The following SPECC1 variants were observed in gnomAD, a reference collection of about 807,000 sequenced individuals.
The protein encoded by SPECC1 is sperm antigen with calponin homology and coiled-coil domains 1.
SPECC1 carries 62 observed loss-of-function variants against 104.1 expected under a neutral mutation model. The observed-to-expected ratio is 0.60, with a 90% confidence interval of 0.49 to 0.74. The LOEUF (loss-of-function observed/expected upper bound fraction) is 0.74, where lower values mean the gene tolerates loss of function less well. SPECC1 is among the 30% of genes least tolerant of loss of function. SPECC1 has a pLI of 0.00. For missense variants in SPECC1, 1,306 were observed against 1,310.5 expected (o/e 1.00, Z 0.05); for synonymous variants, 513 against 501.6 (o/e 1.02, Z -0.30).
At chr17:20,080,881 G>T (rs980459863) in intron 1 of SPECC1, among the ~76,000 whole-genome samples, 4 of 151,996 alleles carry the variant, frequency 2.6e-5, no homozygotes, top group Non-Finnish European at 4.4e-5. Flanking sequence ...ATCAGTGCAG[G>T]GGGGGGTGGT....
chr17:20,308,276 C>G (rs2041830578), intron 14 of SPECC1, among the ~76,000 whole-genome samples: 1 of 150,454 alleles, frequency 6.6e-6, no homozygotes, highest in Non-Finnish European at 1.5e-5. Flanking sequence ...GTAATCCCAG[C>G]TACTCGGGAG....
At chr17:20,035,949 G>T (rs1020181363) in intron 1 of SPECC1, among the ~76,000 whole-genome samples, 2 of 151,040 alleles carry the variant, frequency 1.3e-5, no homozygotes, top group African/African-American at 4.9e-5. Context: ...TCAGCCTCCT[G>T]AGTAGCTGAG....
At chr17:20,113,605 T>C (rs1352028667) in intron 3 of SPECC1, among the ~76,000 whole-genome samples, 3 of 152,214 alleles carry the variant, frequency 2.0e-5, no homozygotes, top group Non-Finnish European at 4.4e-5. Flanking sequence ...TACAGTAATA[T>C]CCAGTTCTTA....
At position 20,232,311 on chromosome 17, in the gene SPECC1, C is replaced by T. The variant is rs1284767614; in HGVS notation, c.2257C>T (p.Leu753=). 1 of 1,614,140 alleles carries T rather than the reference C, an allele frequency of 6.2e-7. No homozygotes were observed. Among genetic ancestry groups the T allele is most frequent in the African/African-American group, 1.3e-5 (1 of 75,056 alleles). The change falls in exon 7 of 15, where the codon CTG becomes TTG. Residue 753 remains leucine (L), a synonymous_variant. Coordinates refer to ENST00000395527, the MANE Select transcript of SPECC1 (RefSeq NM_001243439.2). The stretch of plus-strand genomic sequence containing the variant: ...GGAGCTGCGCACCGTGAAGAGGAAA[C>T]TGCTGGAGGAGGAGGAGAAGAATGC... ...QQELRTVKRK[L]LEEEEKNARL... is the part of the protein sequence containing the mutation.
chr17:20,299,420 C>T (rs1021495717), intron 13 of SPECC1, among the ~76,000 whole-genome samples: 1 of 151,374 alleles, frequency 6.6e-6, no homozygotes, highest in Non-Finnish European at 1.5e-5. Context: ...ATTAGCTGAG[C>T]TTGGTGGCGC....
intron 3 of SPECC1, among the ~76,000 whole-genome samples, chr17:20,182,527 T>C (rs907652265): frequency 9.9e-5 from 15 of 152,196 alleles, no homozygotes; most frequent in African/African-American, 3.4e-4. Flanking sequence ...TATGATCTCA[T>C]AGTTACAAGT....
chr17:20,286,167 G>C (rs781474045), intron 12 of SPECC1, among the ~76,000 whole-genome samples: 1 of 152,132 alleles, frequency 6.6e-6, no homozygotes, highest in Non-Finnish European at 1.5e-5. Context: ...AGGTGACCCA[G>C]GTCTAGAAAG....
At chr17:20,050,291 A>G (rs959178554) in intron 1 of SPECC1, among the ~76,000 whole-genome samples, 2 of 152,028 alleles carry the variant, frequency 1.3e-5, no homozygotes, top group East Asian at 1.9e-4. Context: ...AGGGTGCCCA[A>G]CTGTGTTTTT....
chr17:20,240,601 G>A (rs1316978704), intron 7 of SPECC1, among the ~76,000 whole-genome samples: 3 of 151,960 alleles, frequency 2.0e-5, no homozygotes, highest in East Asian at 1.9e-4. Context: ...GTGAGGTGTG[G>A]TTCTTTTTCT....
chr17:20,077,914 T>G (rs757497186), intron 1 of SPECC1, among the ~76,000 whole-genome samples: 1 of 151,966 alleles, frequency 6.6e-6, no homozygotes, highest in Non-Finnish European at 1.5e-5. Context: ...AAAATGGGGA[T>G]AAAATTAATA....
intron 1 of SPECC1, among the ~76,000 whole-genome samples, chr17:20,025,720 A>G (rs1286024742): frequency 6.6e-6 from 1 of 152,202 alleles, no homozygotes. Flanking sequence ...TTTTGGTTAT[A>G]GACCCAGGAG....
chr17:20,045,650 C>A (rs990214733), intron 1 of SPECC1, among the ~76,000 whole-genome samples: 15 of 152,196 alleles, frequency 9.9e-5, no homozygotes, highest in African/African-American at 3.6e-4. Context: ...CCAGGGACAT[C>A]TGTATCCCAC....
chr17:20,037,830 T>A (rs1002316257), intron 1 of SPECC1, among the ~76,000 whole-genome samples: 1 of 152,182 alleles, frequency 6.6e-6, no homozygotes, highest in Non-Finnish European at 1.5e-5. Flanking sequence ...CAAAATAATT[T>A]GTCGTTTTTA....
At chr17:20,068,668 C>T (rs554855613) in intron 1 of SPECC1, among the ~76,000 whole-genome samples, 1 of 152,310 alleles carries the variant, frequency 6.6e-6, no homozygotes, top group Admixed American at 6.5e-5. Context: ...GTTCTTTTGG[C>T]TAGAGCCATC....
At chr17:20,162,687 T>G (rs1439812415) in intron 3 of SPECC1, among the ~76,000 whole-genome samples, 5 of 152,260 alleles carry the variant, frequency 3.3e-5, no homozygotes, top group Admixed American at 1.3e-4. Flanking sequence ...TAGTTCATTA[T>G]TTCTTGGATC....
In SPECC1 at chr17:20,200,508, A is replaced by C. The variant is rs74939820; in HGVS notation, c.284-3825A>C. On this transcript the variant is annotated intron_variant, in intron 3 of 14. Transcript: ENST00000395527. ...TGACGGGGTGGGAGCAGCACAAAAGATCCAATGGTGCTGGCTGAGCCAATC... is the reference window on the plus strand; with the variant it reads ...TGACGGGGTGGGAGCAGCACAAAAGCTCCAATGGTGCTGGCTGAGCCAATC... Among the ~76,000 whole-genome samples, 327 of 152,288 alleles carry C rather than the reference A, an allele frequency of 2.1e-3. 1 individual carries two copies. Among genetic ancestry groups the C allele is most frequent in the African/African-American group, 6.4e-3 (266 of 41,548 alleles).
chr17:20,247,115 G>A (rs908286940), intron 8 of SPECC1, 104 bp from the exon 9 acceptor site: 14 of 776,088 alleles, frequency 1.8e-5, no homozygotes, highest in Non-Finnish European at 2.7e-5. Context: ...ACTAAACACG[G>A]ATACTCCTTA....
At position 20,173,642 on chromosome 17, in the gene SPECC1, TCAGGATTAGAC is replaced by T. The variant is rs151253468; in HGVS notation, c.284-30689_284-30679del. 6.4e-3 allele frequency among the ~76,000 whole-genome samples: 969 copies of T among 152,262 alleles called. 10 individuals carry two copies. Among genetic ancestry groups the T allele is most frequent in the African/African-American group, 0.022 (922 of 41,534 alleles). On this transcript the variant is annotated intron_variant, in intron 3 of 14. Transcript: ENST00000395527. ...AGACTGCCGTTTTAAACTGTAATTG[TCAGGATTAGAC>T]CTCAACCGTGGTGAAATGTTGGGCA...
Position 20,205,795 on chromosome 17 carries a change from A to T in SPECC1, c.1746A>T (p.Glu582Asp). Residue 582 changes from glutamate (E) to aspartate (D), a missense_variant, in exon 4 of 15, where the codon GAA becomes GAT. This residue lies in a region of SPECC1 where 1,177 missense variants were observed against 1,139.9 expected (regional missense o/e 1.03). Coordinates refer to ENST00000395527, the MANE Select transcript of SPECC1 (RefSeq NM_001243439.2). ...EQTAESCEVQ[E>D]MLKVARAEKD... ...CGGCAGAGAGCTGCGAAGTTCAAGA[A>T]ATGTTGAAAGTAGCCCGAGCAGAGA... The T allele has an allele frequency of 6.2e-7, 1 of 1,614,196 alleles. No individual in the cohort carries two copies. Among genetic ancestry groups the T allele is most frequent in the Non-Finnish European group, 8.5e-7 (1 of 1,180,026 alleles).
Sources: allele counts gnomAD v4.1 joint callset (sites outside exome capture counted in the v4.1 genomes callset), GRCh38; gene constraint gnomAD v4.1.1; regional missense constraint gnomAD v4.1.1; transcripts MANE v1.5; gene names NCBI Gene and HGNC (gene_info 2026-07-23, HGNC 2026-07-21).